Variants in INO80 observed in about 807,000 individuals in gnomAD.
INO80 encodes the protein chromatin-remodeling ATPase INO80.
A neutral mutation model predicts 203.4 loss-of-function variants in INO80; 20 were observed. That is an observed-to-expected ratio of 0.10 (90% confidence interval 0.07 to 0.14). The LOEUF (loss-of-function observed/expected upper bound fraction) is 0.14, where lower values mean the gene tolerates loss of function less well. Among genes scored for constraint, INO80 ranks in the 10% least tolerant of loss-of-function variants. The pLI is 1.00. For missense variants in INO80, 1,419 were observed against 1,914.4 expected, an observed-to-expected ratio of 0.74 and a Z score of 4.83; for synonymous variants, 726 against 685.2, an observed-to-expected ratio of 1.06 and a Z score of -0.93.
intron 19 of INO80, among the ~76,000 whole-genome samples, chr15:41,050,995 A>C (rs918916446): frequency 1.3e-5 from 2 of 151,802 alleles, no homozygotes; most frequent in African/African-American, 4.8e-5. Flanking sequence ...AGGGTGTGGT[A>C]CCACGTGCCT....
intron 29 of INO80, among the ~76,000 whole-genome samples, chr15:40,994,806 G>T (rs2043860139): frequency 6.6e-6 from 1 of 152,128 alleles, no homozygotes; most frequent in South Asian, 2.1e-4. Flanking sequence ...AACAACGCTG[G>T]GCCCTTGGTG....
rs1555403662 is a variant in INO80 at position 41,057,817 on chromosome 15, A to AAAAAAG, written c.1985+821_1985+822insCTTTTT. Among the ~76,000 whole-genome samples the AAAAAAG allele has an allele frequency of 6.7e-3, 923 of 138,190 alleles. 24 individuals are homozygous for AAAAAAG. The highest frequency in any genetic ancestry group is 0.029 in the African/African-American group (882 of 30,938). The allele number at this position is 138,190 out of a possible 152,430, so 90.7% of individuals were successfully genotyped here. ...CATCTCAAAAAAAAAAAAAAAAAAA[A>AAAAAAG]AAAGAAAGAAAGAAAAGAATAGAAA... On this transcript the variant is annotated intron_variant, in intron 16 of 35. Transcript: ENST00000648947.
chr15:40,982,509 C>G (rs1009351976), intron 35 of INO80, among the ~76,000 whole-genome samples: 1 of 152,206 alleles, frequency 6.6e-6, no homozygotes, highest in Non-Finnish European at 1.5e-5. Context: ...AATCACACAG[C>G]TGAATGAACG....
At chr15:41,088,032 T>C (rs1396512440) in intron 5 of INO80, among the ~76,000 whole-genome samples, 1 of 151,490 alleles carries the variant, frequency 6.6e-6, no homozygotes, top group East Asian at 1.9e-4. Context: ...AAATAAGCCA[T>C]ACTTCTATTA....
At chr15:41,051,206 A>G (rs946046288) in intron 19 of INO80, among the ~76,000 whole-genome samples, 3 of 151,074 alleles carry the variant, frequency 2.0e-5, no homozygotes, top group African/African-American at 7.3e-5. Flanking sequence ...TAACCTCCTC[A>G]CATACCACTT....
intron 26 of INO80, chr15:41,016,825 T>C (rs947554815): frequency 6.6e-6 from 1 of 152,408 alleles, no homozygotes; most frequent in Non-Finnish European, 1.5e-5. Context: ...CCTGAGTAGC[T>C]TGGACTACAA....
chr15:41,114,275 A>AAC (rs1425766870), intron 1 of INO80, among the ~76,000 whole-genome samples: 7 of 126,954 alleles, frequency 5.5e-5, no homozygotes, highest in East Asian at 1.9e-4. Flanking sequence ...TCAAAAAACA[A>AAC]AAAAAAAAAA....
chr15:41,000,706 C>CAAAAAAAAAAAAAAAAAAAAAAAAAAA (rs58232890), intron 28 of INO80, among the ~76,000 whole-genome samples: 2 of 56,812 alleles, frequency 3.5e-5, no homozygotes, highest in Non-Finnish European at 7.0e-5. Context: ...CACCCTGTCT[C>CAAAAAAAAAAAAAAAAAAAAAAAAAAA]AAAAAAAAAA....
intron 24 of INO80, among the ~76,000 whole-genome samples, chr15:41,038,656 A>G (rs1289131991): frequency 2.0e-5 from 3 of 152,180 alleles, no homozygotes; most frequent in African/African-American, 7.2e-5. Flanking sequence ...CAAACTGATC[A>G]AAGTCCCTTG....
chr15:41,090,973 A>G (rs1001346985), intron 5 of INO80, among the ~76,000 whole-genome samples: 11 of 150,072 alleles, frequency 7.3e-5, no homozygotes, highest in African/African-American at 2.5e-4. Flanking sequence ...CACCCAGGCA[A>G]GAGTGCAGTG....
intron 22 of INO80, 53 bp from the exon 23 acceptor site, chr15:41,047,554 C>CA: frequency 8.2e-7 from 1 of 1,222,308 alleles, no homozygotes; most frequent in Non-Finnish European, 1.2e-6. Context: ...AGACGATGCT[C>CA]AGTTAAAGCC....
intron 28 of INO80, among the ~76,000 whole-genome samples, chr15:41,000,762 G>A: frequency 6.6e-6 from 1 of 150,640 alleles, no homozygotes; most frequent in Non-Finnish European, 1.5e-5. Flanking sequence ...AAAAAGATGG[G>A]TAATTTCCAT....
At position 41,039,693 on chromosome 15, in the gene INO80, A is replaced by T. The variant is rs1414340113; in HGVS notation, c.2907+5211T>A. 3.3e-5 allele frequency among the ~76,000 whole-genome samples: 5 copies of T among 152,360 alleles called. No homozygotes were observed. The East Asian group carries it at 9.6e-4, about 29-fold the overall frequency. Reference sequence around the variant, plus strand: ...AGATTCATTCAATCGATAAGCACTTACGATATACAAATCCATGCCCTCCAC... The same window carrying T: ...AGATTCATTCAATCGATAAGCACTTTCGATATACAAATCCATGCCCTCCAC... On this transcript the variant is annotated intron_variant, in intron 24 of 35. Coordinates refer to ENST00000648947, the MANE Select transcript of INO80 (RefSeq NM_017553.3).
In INO80 at chr15:41,074,436, T is replaced by C. The variant is rs761799125; in HGVS notation, c.1261A>G (p.Ser421Gly). The change falls in exon 10 of 36, where the codon AGT (serine) becomes GGT (glycine). Residue 421 changes from serine to glycine, a missense_variant. Ser to Gly is a moderately conservative substitution (Grantham distance 56). This residue lies in a region of INO80 where 116 missense variants were observed against 119.5 expected (regional missense o/e 0.97). Transcript: ENST00000648947. The stretch of plus-strand genomic sequence containing the variant: ...ATATCGATTTGTCTCTGGGTAGAAC[T>C]GTCTTCCAGTTTCCTTAGGATTTCT... ...QEEILRKLED[S>G]STQRQIDIGG... 2.5e-6 allele frequency: 4 copies of C among 1,614,124 alleles called. No homozygotes were observed. Among genetic ancestry groups the C allele is most frequent in the Non-Finnish European group, 3.4e-6 (4 of 1,179,978 alleles).
At chr15:41,062,355 ACT>A (rs2045127562) in intron 14 of INO80, among the ~76,000 whole-genome samples, 2 of 151,996 alleles carry the variant, frequency 1.3e-5, no homozygotes, top group African/African-American at 4.8e-5. Flanking sequence ...TAATCTCAGC[ACT>A]CTGGGAGGCT....
chr15:40,988,076 G>A (rs1368400639), intron 29 of INO80, 102 bp from the exon 30 acceptor site: 14 of 921,592 alleles, frequency 1.5e-5, no homozygotes, highest in African/African-American at 1.6e-5. Flanking sequence ...CGTCAGTAGG[G>A]TCTGATTCGT....
At chr15:41,049,914 G>A (rs888593494) in intron 20 of INO80, 21 bp downstream of exon 20, 1 of 1,582,882 alleles carries the variant, frequency 6.3e-7, no homozygotes, top group Non-Finnish European at 8.6e-7. Flanking sequence ...AAACTTCAAG[G>A]GAACTGACGT....
chr15:41,072,100 G>C, intron 11 of INO80, 42 bp from the exon 12 acceptor site: 1 of 1,256,448 alleles, frequency 8.0e-7, no homozygotes, highest in Non-Finnish European at 1.1e-6. Flanking sequence ...AAAAAAAAGA[G>C]GAAAAATATT....
intron 24 of INO80, among the ~76,000 whole-genome samples, chr15:41,037,538 A>C (rs965623788): frequency 2.0e-5 from 3 of 152,076 alleles, no homozygotes; most frequent in Admixed American, 6.6e-5. Flanking sequence ...AATAATGTTA[A>C]GCTTAGTGTT....
Sources: gnomAD v4.1 joint callset for allele counts (sites outside exome capture counted in the v4.1 genomes callset) on GRCh38, gnomAD v4.1.1 for gene constraint, gnomAD v4.1.1 regional missense constraint, MANE v1.5 for transcripts, NCBI Gene and HGNC (gene_info 2026-07-23, HGNC 2026-07-21) for gene names.